Variants in CDH18 observed in about 807,000 individuals in gnomAD.
The protein encoded by CDH18 is cadherin-18.
Under a neutral mutation model 67.9 loss-of-function variants are expected in CDH18, and 31 were observed. The observed-to-expected ratio is 0.46, with a 90% confidence interval of 0.34 to 0.62. The LOEUF is 0.62. CDH18 is among the 20% of genes least tolerant of loss of function. The pLI is 0.01. For synonymous variants in CDH18, 362 were observed against 347.2 expected (o/e 1.04, Z -0.48); for missense variants, 890 against 975.5 (o/e 0.91, Z 1.17).
chr5:20,501,542 CAT>C (rs1191403739), intron 1 of CDH18, among the ~76,000 whole-genome samples: 1 of 22,580 alleles, frequency 4.4e-5, no homozygotes, highest in Non-Finnish European at 1.0e-4. Context: ...ATATTATATA[CAT>C]ATTATATATA....
At position 19,731,844 on chromosome 5, in the gene CDH18, C is replaced by T. The variant is rs989063439; in HGVS notation, c.524-10378G>A. Among the ~76,000 whole-genome samples the T allele has an allele frequency of 2.2e-4, 33 of 152,066 alleles. 1 individual carries two copies. The highest frequency in any genetic ancestry group is 6.7e-4 in the African/African-American group (28 of 41,508). ...GTGGCTCACACTTGCAATCCCAGCA[C>T]GCTGGGAGGCTGAGGCTGGTGGATT... On this transcript the variant is annotated intron_variant, in intron 4 of 12. Coordinates refer to ENST00000382275, the MANE Select transcript of CDH18 (RefSeq NM_004934.5).
intron 2 of CDH18, among the ~76,000 whole-genome samples, chr5:19,956,534 C>A (rs1481011421): frequency 6.6e-6 from 1 of 151,662 alleles, no homozygotes; most frequent in Admixed American, 6.6e-5. Context: ...AAAAAAGGTC[C>A]TAAAATATTT....
intron 1 of CDH18, among the ~76,000 whole-genome samples, chr5:20,331,966 G>T (rs998781416): frequency 2.0e-5 from 3 of 152,254 alleles, no homozygotes; most frequent in African/African-American, 7.2e-5. Context: ...TTCAAGTCAA[G>T]CATGCTTCTC....
chr5:20,134,815 A>G (rs1359617015), intron 2 of CDH18, among the ~76,000 whole-genome samples: 1 of 152,098 alleles, frequency 6.6e-6, no homozygotes, highest in Non-Finnish European at 1.5e-5. Flanking sequence ...AGGTCTTTTA[A>G]CATTAGTCCA....
intron 5 of CDH18, among the ~76,000 whole-genome samples, chr5:19,688,704 GA>G (rs1239472007): frequency 6.6e-6 from 1 of 151,966 alleles, no homozygotes; most frequent in Non-Finnish European, 1.5e-5. Flanking sequence ...AAAAAAGTAT[GA>G]AATGCCAGAA....
intron 5 of CDH18, among the ~76,000 whole-genome samples, chr5:19,671,172 G>T (rs895450496): frequency 6.6e-6 from 1 of 152,074 alleles, no homozygotes; most frequent in East Asian, 1.9e-4. Flanking sequence ...AGAGGGTAAA[G>T]TTCAGGGACA....
chr5:20,496,124 T>C lies in CDH18; in HGVS notation c.-580+79338A>G, dbSNP rs78651696. On this transcript the variant is annotated intron_variant, in intron 1 of 14. Coordinates refer to the CDH18 transcript ENST00000507958. ...GATGAAATAGATAGGCATCTGAAGA[T>C]TGAAAAACACACCATATACTGAGAA... Among the ~76,000 whole-genome samples, 814 of 152,188 alleles carry C rather than the reference T, an allele frequency of 5.3e-3. 10 individuals carry two copies. Among genetic ancestry groups the C allele is most frequent in the African/African-American group, 0.019 (779 of 41,544 alleles).
At chr5:19,482,871 C>T (rs1739699752) in intron 12 of CDH18, among the ~76,000 whole-genome samples, 1 of 152,054 alleles carries the variant, frequency 6.6e-6, no homozygotes, top group South Asian at 2.1e-4. Context: ...CATTTACTCA[C>T]CCTAAGGCCA....
In CDH18 at chr5:19,544,297, G is replaced by C. The variant is rs901648554; in HGVS notation, c.1254-292C>G. Among the ~76,000 whole-genome samples, 37 of 151,654 alleles carry C rather than the reference G, an allele frequency of 2.4e-4. 1 individual carries two copies. Among genetic ancestry groups the C allele is most frequent in the African/African-American group, 7.0e-4 (29 of 41,386 alleles). On this transcript the variant is annotated intron_variant, in intron 8 of 12. Transcript: ENST00000382275. ...GCGATTAATAGTGGAGAGACCAAAA[G>C]AACTCACCTCTTGGAAGCCTATAAT...
rs568694935 is a variant in CDH18, at chr5:20,259,817, G to GATTCTTCTT, written c.-579-4321_-579-4313dup. ...AGCTAAATGCCACAGATGCTGCCTGGATTCTTCTTGTAGTTTATAGTAAAA... is the reference window on the plus strand; with the variant it reads ...AGCTAAATGCCACAGATGCTGCCTGGATTCTTCTTATTCTTCTTGTAGTTTATAGTAAAA... On this transcript the variant is annotated intron_variant, in intron 1 of 14. Coordinates refer to the CDH18 transcript ENST00000507958. 4.5e-3 allele frequency among the ~76,000 whole-genome samples: 686 copies of GATTCTTCTT among 152,188 alleles called. 2 individuals are homozygous for GATTCTTCTT. Among genetic ancestry groups the GATTCTTCTT allele is most frequent in the Non-Finnish European group, 7.4e-3 (502 of 68,032 alleles).
At chr5:20,220,713 G>T (rs1741157387) in intron 2 of CDH18, among the ~76,000 whole-genome samples, 1 of 151,904 alleles carries the variant, frequency 6.6e-6, no homozygotes. Context: ...GAAAATATTT[G>T]CAAACTATCC....
intron 1 of CDH18, among the ~76,000 whole-genome samples, chr5:20,406,838 C>A (rs904786578): frequency 6.6e-6 from 1 of 152,118 alleles, no homozygotes; most frequent in Non-Finnish European, 1.5e-5. Flanking sequence ...GTTAGAAATA[C>A]ATAAACTAGT....
intron 2 of CDH18, among the ~76,000 whole-genome samples, chr5:19,955,884 T>A (rs1796210551): frequency 6.6e-6 from 1 of 151,874 alleles, no homozygotes; most frequent in Non-Finnish European, 1.5e-5. Context: ...ACCAAGAAAA[T>A]ATACCAATTG....
At chr5:19,821,085 G>A (rs538562051) in intron 3 of CDH18, among the ~76,000 whole-genome samples, 11 of 152,100 alleles carry the variant, frequency 7.2e-5, no homozygotes, top group Non-Finnish European at 1.3e-4. Context: ...CTAGCTCCCC[G>A]GCAATGGATT....
chr5:20,529,041 A>C (rs1344230352), intron 1 of CDH18, among the ~76,000 whole-genome samples: 1 of 152,058 alleles, frequency 6.6e-6, no homozygotes, highest in Non-Finnish European at 1.5e-5. Flanking sequence ...AAAAAAATAC[A>C]ATCAGAAATG....
At chr5:20,053,797 A>G (rs1898162) in intron 2 of CDH18, among the ~76,000 whole-genome samples, 116,599 of 152,026 alleles carry the variant, frequency 0.77, 47,238 homozygotes, top group Non-Finnish European at 0.9. Flanking sequence ...AAACCACAAC[A>G]AAAGTGATGC....
At chr5:19,683,544 T>C (rs1760637624) in intron 5 of CDH18, among the ~76,000 whole-genome samples, 1 of 152,076 alleles carries the variant, frequency 6.6e-6, no homozygotes, top group Non-Finnish European at 1.5e-5. Context: ...GTTTTAAAAT[T>C]CCACTTTTCA....
At chr5:19,908,404 C>T (rs1561540495) in intron 2 of CDH18, among the ~76,000 whole-genome samples, 4 of 151,870 alleles carry the variant, frequency 2.6e-5, no homozygotes, top group Admixed American at 6.6e-5. Flanking sequence ...TAGATATGTA[C>T]TATGATGAGT....
chr5:19,645,162 G>GT (rs1754559638), intron 5 of CDH18, among the ~76,000 whole-genome samples: 1 of 152,196 alleles, frequency 6.6e-6, no homozygotes, highest in Non-Finnish European at 1.5e-5. Context: ...TTTCAAAGCT[G>GT]TAACTAATGG....
Sources: allele counts gnomAD v4.1 joint callset (sites outside exome capture counted in the v4.1 genomes callset), GRCh38; gene constraint gnomAD v4.1.1; transcripts MANE v1.5; gene names NCBI Gene and HGNC (gene_info 2026-07-23, HGNC 2026-07-21).